SLA2: variants seen among roughly 807,000 people sequenced by gnomAD.
SLA2 encodes the protein Src like adaptor 2.
A neutral mutation model predicts 27.3 loss-of-function variants in SLA2; 22 were observed. The ratio of observed to expected loss-of-function variants is 0.81; its 90% CI spans 0.58 to 1.15. SLA2 has a LOEUF of 1.15. Ranked by LOEUF, SLA2 falls within the 50% of genes most tolerant of loss-of-function variation. The probability of loss-of-function intolerance (pLI) is 0.00; values close to 1 mark genes in which losing one functional copy is unlikely to be tolerated. For synonymous variants in SLA2, 131 were observed against 137.8 expected (o/e 0.95, Z 0.34); for missense variants, 304 against 322.2 (o/e 0.94, Z 0.43).
chr20:36,637,346 GCACC>G (rs2039462074), intron 2 of SLA2, among the ~76,000 whole-genome samples: 1 of 151,610 alleles, frequency 6.6e-6, no homozygotes, highest in South Asian at 2.1e-4. Context: ...GGGATTACAG[GCACC>G]CACCACCATG....
intron 1 of SLA2, among the ~76,000 whole-genome samples, chr20:36,644,975 C>T (rs752328087): frequency 6.8e-6 from 1 of 147,086 alleles, no homozygotes; most frequent in Non-Finnish European, 1.5e-5. Flanking sequence ...GTAGCCCATT[C>T]GTGCAGGACT....
chr20:36,630,517 T>C (rs1317503329), intron 5 of SLA2, among the ~76,000 whole-genome samples: 1 of 152,156 alleles, frequency 6.6e-6, no homozygotes, highest in Non-Finnish European at 1.5e-5. Context: ...ACGTGGGCCT[T>C]TCTTGGGGGC....
intron 5 of SLA2, among the ~76,000 whole-genome samples, chr20:36,624,918 G>A (rs1197568416): frequency 6.6e-6 from 1 of 152,144 alleles, no homozygotes; most frequent in African/African-American, 2.4e-5. Context: ...TGGAACTGAT[G>A]CTACAAACAG....
chr20:36,619,151 G>A (rs61114627), intron 5 of SLA2, among the ~76,000 whole-genome samples: 3,874 of 149,276 alleles, frequency 0.026, 183 homozygotes, highest in African/African-American at 0.091. Flanking sequence ...AACCTGTGAG[G>A]TGGAGGTTGC....
At chr20:36,639,089 G>T (rs370116791) in intron 2 of SLA2, among the ~76,000 whole-genome samples, 7 of 152,066 alleles carry the variant, frequency 4.6e-5, no homozygotes, top group Non-Finnish European at 7.4e-5. Flanking sequence ...CAGGTGATCT[G>T]CCCGCCTCGG....
At chr20:36,643,939 G>A (rs924911134) in intron 1 of SLA2, among the ~76,000 whole-genome samples, 5 of 152,036 alleles carry the variant, frequency 3.3e-5, no homozygotes, top group East Asian at 3.9e-4. Context: ...GCGACAGAGC[G>A]AGACTCTGTA....
intron 5 of SLA2, among the ~76,000 whole-genome samples, chr20:36,622,299 C>G (rs144480043): frequency 5.3e-5 from 8 of 150,482 alleles, no homozygotes; most frequent in African/African-American, 2.0e-4. Context: ...ATCTCTTGAA[C>G]CCGGGAAGCA....
intron 2 of SLA2, among the ~76,000 whole-genome samples, chr20:36,637,801 G>T (rs1447238997): frequency 2.2e-5 from 3 of 139,336 alleles, no homozygotes; most frequent in East Asian, 2.2e-4. Context: ...TAATTTTTTT[G>T]TACTTTTAGG....
intron 5 of SLA2, among the ~76,000 whole-genome samples, chr20:36,630,495 C>T (rs1240700598): frequency 6.6e-6 from 1 of 152,184 alleles, no homozygotes; most frequent in Admixed American, 6.5e-5. Context: ...GCAGTGCCAA[C>T]ATTACTGCCC....
chr20:36,635,451 G>A (rs2039434834), intron 2 of SLA2, among the ~76,000 whole-genome samples: 1 of 151,508 alleles, frequency 6.6e-6, no homozygotes, highest in Non-Finnish European at 1.5e-5. Flanking sequence ...TGGGGCAGGG[G>A]AAGCAGACGA....
chr20:36,614,166 G>C (rs1175604599), intron 7 of SLA2, 139 bp downstream of exon 7: 2 of 1,496,794 alleles, frequency 1.3e-6, no homozygotes, highest in Admixed American at 1.7e-5. Flanking sequence ...CGTGCTCCAG[G>C]AGTTGAGTCA....
intron 2 of SLA2, among the ~76,000 whole-genome samples, chr20:36,636,184 G>A (rs967651203): frequency 1.1e-4 from 17 of 150,942 alleles, no homozygotes; most frequent in Middle Eastern, 3.4e-3. Context: ...TTGGGAGGCC[G>A]AGGCGGGTGG....
intron 1 of SLA2, among the ~76,000 whole-genome samples, chr20:36,642,943 G>T (rs936525983): frequency 6.6e-6 from 1 of 152,116 alleles, no homozygotes; most frequent in Non-Finnish European, 1.5e-5. Context: ...GAACTCCTGG[G>T]CTCCACCAAT....
intron 5 of SLA2, among the ~76,000 whole-genome samples, chr20:36,623,249 A>G (rs1032772277): frequency 2.9e-5 from 4 of 139,922 alleles, no homozygotes; most frequent in African/African-American, 1.1e-4. Context: ...CCTGGGTGAC[A>G]GAGTGACATT....
intron 1 of SLA2, among the ~76,000 whole-genome samples, chr20:36,645,496 C>A (rs909116348): frequency 6.6e-6 from 1 of 152,126 alleles, no homozygotes; most frequent in Non-Finnish European, 1.5e-5. Flanking sequence ...GAGATGGTAG[C>A]CCTCACGTTC....
At chr20:36,615,488 G>T in intron 5 of SLA2, 114 bp from the exon 6 acceptor site, 1 of 1,154,060 alleles carries the variant, frequency 8.7e-7, no homozygotes, top group Non-Finnish European at 1.3e-6. Flanking sequence ...GAAGGGAAGT[G>T]TCTGGGGCAG....
chr20:36,633,613 T>A lies in SLA2; in HGVS notation c.208A>T (p.Thr70Ser). 6.2e-7 allele frequency: 1 copy of A among 1,613,792 alleles called. No individual in the cohort carries two copies. The highest frequency in any genetic ancestry group is 8.5e-7 in the Non-Finnish European group (1 of 1,179,824). Residue 70 changes from threonine to serine, a missense_variant, in exon 4 of 8, where the codon ACG (threonine) becomes TCG (serine). Coordinates refer to ENST00000262866, the MANE Select transcript of SLA2 (RefSeq NM_032214.4). ...CTGCCTGAGACTTCAGACAGCACCG[T>A]CCACCAGTCTCCATCCCTGGAGAGA... ...TIVSEDGDWWTVLSEVSGREY... is the reference protein window; with the variant it reads ...TIVSEDGDWWSVLSEVSGREY...
At chr20:36,623,016 C>T (rs755092258) in intron 5 of SLA2, among the ~76,000 whole-genome samples, 2 of 152,124 alleles carry the variant, frequency 1.3e-5, no homozygotes, top group Non-Finnish European at 2.9e-5. Context: ...TGCCTGTAAT[C>T]CCAACACTTT....
In SLA2 at chr20:36,641,319, C is replaced by T. The variant is rs1450029208; in HGVS notation, c.17G>A (p.Ser6Asn). The part of the protein sequence containing the change: MGSLP[S>N]RRKSLPSPSL... ...TGGGCTTGGCAGAGATTTTCTTCTG[C>T]TGGGCAGACTTCCCATTGTTCCTCA... Residue 6 changes from serine (S) to asparagine (N), a missense_variant, in exon 2 of 8, where the codon AGC (serine) becomes AAC (asparagine). Coordinates refer to ENST00000262866, the MANE Select transcript of SLA2 (RefSeq NM_032214.4). The T allele has an allele frequency of 1.2e-6, 2 of 1,614,036 alleles. No individual in the cohort carries two copies. The highest frequency in any genetic ancestry group is 2.2e-5 in the East Asian group (1 of 44,854).
Sources: gnomAD v4.1 joint callset for allele counts (sites outside exome capture counted in the v4.1 genomes callset) on GRCh38, gnomAD v4.1.1 for gene constraint, MANE v1.5 for transcripts, NCBI Gene and HGNC (gene_info 2026-07-23, HGNC 2026-07-21) for gene names.